Variants in MPPED2 observed in about 807,000 individuals in gnomAD.
The protein encoded by MPPED2 is metallophosphoesterase MPPED2.
In MPPED2, 5 loss-of-function variants were observed where a neutral mutation model predicts 33.0. The ratio of observed to expected loss-of-function variants is 0.15; its 90% confidence interval spans 0.08 to 0.32. The LOEUF is 0.32. Among genes scored for constraint, MPPED2 ranks in the 10% least tolerant of loss-of-function variants. MPPED2 has a pLI of 1.00. For missense variants in MPPED2, 275 were observed against 372.1 expected, an observed-to-expected ratio of 0.74 and a Z score of 2.15; for synonymous variants, 136 against 141.9, an observed-to-expected ratio of 0.96 and a Z score of 0.29.
chr11:30,585,735 G>T (rs1207112261), intron 1 of MPPED2, among the ~76,000 whole-genome samples: 1 of 152,152 alleles, frequency 6.6e-6, no homozygotes, highest in African/African-American at 2.4e-5. Context: ...GAGAAGAGGC[G>T]CAGGATGGGG....
intron 3 of MPPED2, among the ~76,000 whole-genome samples, chr11:30,510,087 A>G (rs1953071120): frequency 6.6e-6 from 1 of 152,216 alleles, no homozygotes. Flanking sequence ...GTAACACCCA[A>G]GACATATAGT....
chr11:30,570,416 G>A (rs1219149756), intron 2 of MPPED2, among the ~76,000 whole-genome samples: 1 of 151,884 alleles, frequency 6.6e-6, no homozygotes, highest in Non-Finnish European at 1.5e-5. Context: ...TCAAACCATA[G>A]CACTATCCAA....
At chr11:30,471,551 T>C (rs1219132733) in intron 4 of MPPED2, among the ~76,000 whole-genome samples, 7 of 152,218 alleles carry the variant, frequency 4.6e-5, no homozygotes, top group African/African-American at 1.4e-4. Context: ...CCAAGCTGAA[T>C]TGGGTGCTCA....
intron 2 of MPPED2, among the ~76,000 whole-genome samples, chr11:30,539,953 GAGA>G (rs1955010176): frequency 6.6e-6 from 1 of 152,112 alleles, no homozygotes; most frequent in African/African-American, 2.4e-5. Flanking sequence ...GAGGTTTCCA[GAGA>G]AGGAGAGCTC....
intron 3 of MPPED2, among the ~76,000 whole-genome samples, chr11:30,529,006 C>T (rs1020960191): frequency 6.6e-6 from 1 of 152,148 alleles, no homozygotes; most frequent in African/African-American, 2.4e-5. Flanking sequence ...GAAAGATGTT[C>T]ATCACTTCAG....
chr11:30,397,350 A>C (rs774382730), intron 6 of MPPED2, among the ~76,000 whole-genome samples: 1 of 152,144 alleles, frequency 6.6e-6, no homozygotes, highest in African/African-American at 2.4e-5. Flanking sequence ...TTTCATATGG[A>C]GTACACAGGT....
At chr11:30,500,235 G>A (rs1283930381) in intron 3 of MPPED2, among the ~76,000 whole-genome samples, 1 of 152,092 alleles carries the variant, frequency 6.6e-6, no homozygotes, top group Non-Finnish European at 1.5e-5. Flanking sequence ...ACAGTGGTGT[G>A]ATCCATTCCC....
At chr11:30,476,287 G>A (rs775856063) in intron 4 of MPPED2, among the ~76,000 whole-genome samples, 1 of 151,784 alleles carries the variant, frequency 6.6e-6, no homozygotes, top group Non-Finnish European at 1.5e-5. Context: ...TTCTTCAGTG[G>A]TTTATGTTGT....
intron 4 of MPPED2, among the ~76,000 whole-genome samples, chr11:30,487,638 T>G (rs905229988): frequency 6.6e-6 from 1 of 151,852 alleles, no homozygotes; most frequent in African/African-American, 2.4e-5. Context: ...ATACCATGCC[T>G]GGCTAATTTT....
chr11:30,399,477 G>A (rs1445468544), intron 6 of MPPED2, among the ~76,000 whole-genome samples: 1 of 152,150 alleles, frequency 6.6e-6, no homozygotes, highest in Admixed American at 6.5e-5. Flanking sequence ...TCAATACTCT[G>A]TCCTCTGGAA....
At chr11:30,566,996 A>C (rs58730929) in intron 2 of MPPED2, among the ~76,000 whole-genome samples, 5,262 of 152,228 alleles carry the variant, frequency 0.035, 312 homozygotes, top group African/African-American at 0.12. Flanking sequence ...TTGTGACTCA[A>C]AGTTTACGGC....
At chr11:30,513,303 G>A (rs1399781252) in intron 3 of MPPED2, among the ~76,000 whole-genome samples, 1 of 152,136 alleles carries the variant, frequency 6.6e-6, no homozygotes, top group Non-Finnish European at 1.5e-5. Context: ...TAATACAGAT[G>A]ACTGTTTCTC....
exon 7 of MPPED2, chr11:30,386,457 G>A: frequency 3.3e-6 from 1 of 306,632 alleles, no homozygotes; most frequent in Non-Finnish European, 6.0e-6. Flanking sequence ...GGTGCTGCTT[G>A]AGAGGGTATA....
chr11:30,467,143 C>T (rs573077885), intron 4 of MPPED2, among the ~76,000 whole-genome samples: 39 of 152,232 alleles, frequency 2.6e-4, no homozygotes, highest in African/African-American at 8.9e-4. Flanking sequence ...AACACCCCAC[C>T]CCCACACTTT....
At chr11:30,526,091 G>T (rs1292018020) in intron 3 of MPPED2, among the ~76,000 whole-genome samples, 1 of 152,128 alleles carries the variant, frequency 6.6e-6, no homozygotes, top group Non-Finnish European at 1.5e-5. Flanking sequence ...ACTTTTATAT[G>T]AATTAGACCA....
chr11:30,390,059 G>T (rs1947752245), intron 6 of MPPED2, among the ~76,000 whole-genome samples: 1 of 152,194 alleles, frequency 6.6e-6, no homozygotes, highest in Non-Finnish European at 1.5e-5. Flanking sequence ...GTATGTAAGT[G>T]TCGAAATGCA....
intron 4 of MPPED2, among the ~76,000 whole-genome samples, chr11:30,481,195 C>T (rs143249284): frequency 6.6e-6 from 1 of 152,148 alleles, no homozygotes; most frequent in African/African-American, 2.4e-5. Flanking sequence ...TGCTTCTAGA[C>T]TATAATATGA....
chr11:30,463,627 C>T (rs998573089), intron 4 of MPPED2, among the ~76,000 whole-genome samples: 3 of 152,146 alleles, frequency 2.0e-5, no homozygotes, highest in South Asian at 2.1e-4. Flanking sequence ...ATGGAGCCAA[C>T]CTGTGAGAAA....
chr11:30,388,909 G>A (rs773163332), exon 7 of MPPED2: 1 of 1,566,934 alleles, frequency 6.4e-7, no homozygotes. Flanking sequence ...TTTGAAGGCA[G>A]AGAACATATT....
Sources: allele counts gnomAD v4.1 joint callset (sites outside exome capture counted in the v4.1 genomes callset), GRCh38; gene constraint gnomAD v4.1.1; transcripts MANE v1.5; gene names NCBI Gene and HGNC (gene_info 2026-07-23, HGNC 2026-07-21).